FMN1: variants seen among roughly 807,000 people sequenced by gnomAD.
The protein encoded by FMN1 is formin 1, also known as formin-1.
In FMN1, 110 loss-of-function variants were observed where a neutral mutation model predicts 132.4. The ratio of observed to expected loss-of-function variants is 0.83; its 90% CI spans 0.71 to 0.97. The LOEUF (loss-of-function observed/expected upper bound fraction) is 0.97. Ranked by LOEUF, FMN1 falls within the 50% of genes least tolerant of loss-of-function variation. The probability of loss-of-function intolerance (pLI) is 0.00; values close to 1 mark genes in which losing one functional copy is unlikely to be tolerated. For missense variants in FMN1, 1,792 were observed against 1,705.3 expected, an observed-to-expected ratio of 1.05 and a Z score of -0.90; for synonymous variants, 722 against 651.7, an observed-to-expected ratio of 1.11 and a Z score of -1.64.
rs73374886 is a variant in FMN1 at position 33,035,891 on chromosome 15, G to A, written c.2162-27816C>T. On this transcript the variant is annotated intron_variant, in intron 6 of 20. Transcript: ENST00000616417. ...CTCATGAATAGATTAATTTATTCAC[G>A]GATTAATGGGTTAGTGGGTTAATGG... Among the ~76,000 whole-genome samples, 509 of 152,236 alleles carry A rather than the reference G, an allele frequency of 3.3e-3. 2 individuals are homozygous for A. Among genetic ancestry groups the A allele is most frequent in the African/African-American group, 0.012 (488 of 41,532 alleles).
chr15:33,177,895 C>G (rs569300281), intron 3 of FMN1, among the ~76,000 whole-genome samples: 1 of 152,044 alleles, frequency 6.6e-6, no homozygotes, highest in East Asian at 1.9e-4. Flanking sequence ...GTAATCCCAG[C>G]TACTTGGGAG....
intron 12 of FMN1, among the ~76,000 whole-genome samples, chr15:32,907,887 A>G (rs2060465636): frequency 1.3e-5 from 2 of 152,094 alleles, no homozygotes; most frequent in Non-Finnish European, 2.9e-5. Context: ...TCGAGACCCC[A>G]AGAGTCACTC....
rs1226548479 is a variant in FMN1 at position 32,950,054 on chromosome 15, CATATAT to C, written c.3138+14047_3138+14052del. Among the ~76,000 whole-genome samples, 2 of 4,916 alleles carry C rather than the reference CATATAT, an allele frequency of 4.1e-4. 1 individual carries two copies. Among genetic ancestry groups the C allele is most frequent in the African/African-American group, 8.5e-4 (2 of 2,346 alleles). The allele number at this position is 4,916 out of a possible 152,430, so 3.2% of individuals were successfully genotyped here. On this transcript the variant is annotated intron_variant, in intron 9 of 20. Coordinates refer to ENST00000616417, the MANE Select transcript of FMN1 (RefSeq NM_001277313.2). ...ATATACACATATATATATATATACA[CATATAT>C]ATATATATATATATATATATTAAAA...
At chr15:32,836,016 T>C (rs1244957221) in intron 17 of FMN1, among the ~76,000 whole-genome samples, 3 of 152,012 alleles carry the variant, frequency 2.0e-5, no homozygotes, top group Admixed American at 6.6e-5. Flanking sequence ...CATGCTATCA[T>C]GGCCCAGCCA....
intron 7 of FMN1, among the ~76,000 whole-genome samples, chr15:32,983,072 A>G (rs930939053): frequency 1.3e-5 from 2 of 152,182 alleles, no homozygotes; most frequent in African/African-American, 4.8e-5. Context: ...TTTCTCCGGA[A>G]AACCCTGATG....
At chr15:33,101,991 C>T (rs184885933) in intron 4 of FMN1, among the ~76,000 whole-genome samples, 1 of 152,126 alleles carries the variant, frequency 6.6e-6, no homozygotes, top group South Asian at 2.1e-4. Flanking sequence ...ACAAGTGCTA[C>T]CCATCCTTCA....
intron 9 of FMN1, among the ~76,000 whole-genome samples, chr15:32,934,236 C>T (rs1485205747): frequency 3.9e-5 from 6 of 152,118 alleles, no homozygotes; most frequent in Non-Finnish European, 7.4e-5. Flanking sequence ...TCTACTCTTA[C>T]TTCTCCACTC....
intron 3 of FMN1, among the ~76,000 whole-genome samples, chr15:33,170,440 G>T (rs1965274601): frequency 6.6e-6 from 1 of 152,030 alleles, no homozygotes; most frequent in Non-Finnish European, 1.5e-5. Flanking sequence ...GGAAGCTTCT[G>T]CACAGCAAAG....
chr15:32,965,698 G>T (rs940085788), intron 8 of FMN1, among the ~76,000 whole-genome samples: 1 of 151,960 alleles, frequency 6.6e-6, no homozygotes. Context: ...ATGACATTTT[G>T]GTTTTGGCCA....
chr15:32,784,388 C>CAG (rs1322855292), intron 19 of FMN1, among the ~76,000 whole-genome samples: 1 of 147,472 alleles, frequency 6.8e-6, no homozygotes, highest in East Asian at 2.0e-4. Context: ...TTTTTTTTAA[C>CAG]AGAACTTTTT....
intron 4 of FMN1, among the ~76,000 whole-genome samples, chr15:33,121,751 T>C (rs1039937711): frequency 2.1e-4 from 32 of 152,188 alleles, no homozygotes; most frequent in African/African-American, 7.7e-4. Flanking sequence ...ATGGTCTCAA[T>C]CTCCTGACCC....
chr15:32,904,526 C>T (rs1488956147), intron 12 of FMN1, among the ~76,000 whole-genome samples: 2 of 151,918 alleles, frequency 1.3e-5, no homozygotes, highest in African/African-American at 4.8e-5. Flanking sequence ...CTGTAATCTT[C>T]CAAGAGGAAA....
chr15:33,127,890 CTCTT>C (rs1486561962), intron 4 of FMN1, among the ~76,000 whole-genome samples: 3 of 151,888 alleles, frequency 2.0e-5, no homozygotes, highest in Admixed American at 1.3e-4. Flanking sequence ...TCTTATGCCT[CTCTT>C]TATTCTACAA....
At chr15:32,796,483 GATGTT>G (rs1372571804) in intron 19 of FMN1, among the ~76,000 whole-genome samples, 2 of 152,124 alleles carry the variant, frequency 1.3e-5, no homozygotes, top group Admixed American at 6.6e-5. Flanking sequence ...CCTTGTTAAT[GATGTT>G]ATGTTGTCTC....
At chr15:33,099,488 G>C (rs1393716947) in intron 4 of FMN1, among the ~76,000 whole-genome samples, 1 of 151,874 alleles carries the variant, frequency 6.6e-6, no homozygotes. Flanking sequence ...TGATGTGCCA[G>C]TATAATCTTT....
intron 19 of FMN1, among the ~76,000 whole-genome samples, chr15:32,798,216 ACC>A (rs1159889872): frequency 1.4e-5 from 2 of 140,876 alleles, no homozygotes; most frequent in Admixed American, 7.1e-5. Context: ...ACACACACAC[ACC>A]CCGTCTATAT....
chr15:33,181,054 C>G (rs948192590), intron 2 of FMN1, among the ~76,000 whole-genome samples: 2 of 152,084 alleles, frequency 1.3e-5, no homozygotes, highest in African/African-American at 4.8e-5. Flanking sequence ...CCCGGCCTCT[C>G]CTGCTCTTAA....
chr15:32,919,477 T>G (rs1001404990), intron 10 of FMN1, among the ~76,000 whole-genome samples: 5 of 152,224 alleles, frequency 3.3e-5, no homozygotes, highest in Admixed American at 1.3e-4. Flanking sequence ...TGTAATCGCA[T>G]ATTGAGCCTT....
At chr15:32,788,780 T>G (rs986683626) in intron 19 of FMN1, among the ~76,000 whole-genome samples, 10 of 152,254 alleles carry the variant, frequency 6.6e-5, no homozygotes, top group Admixed American at 5.9e-4. Context: ...CCAAAGAGGT[T>G]TGAGGCTTGG....
Sources: allele counts gnomAD v4.1 joint callset (sites outside exome capture counted in the v4.1 genomes callset), GRCh38; gene constraint gnomAD v4.1.1; transcripts MANE v1.5; gene names NCBI Gene and HGNC (gene_info 2026-07-23, HGNC 2026-07-21).